Variants in UGT3A2 observed in about 807,000 individuals in gnomAD.
The protein encoded by UGT3A2 is UDP glycosyltransferase family 3 member A2.
UGT3A2 carries 32 observed loss-of-function variants against 39.8 expected under a neutral mutation model. That is an observed-to-expected ratio of 0.80 (90% confidence interval 0.61 to 1.08). The LOEUF (loss-of-function observed/expected upper bound fraction) is 1.08, where lower values mean the gene tolerates loss of function less well. UGT3A2 is among the 50% of genes least tolerant of loss of function. The probability of loss-of-function intolerance (pLI) is 0.00; values close to 1 mark genes in which losing one functional copy is unlikely to be tolerated. For synonymous variants in UGT3A2, 241 were observed against 230.7 expected (o/e 1.04, Z -0.40); for missense variants, 611 against 637.1 (o/e 0.96, Z 0.44).
intron 2 of UGT3A2, among the ~76,000 whole-genome samples, chr5:36,062,402 C>G (rs1440924580): frequency 6.6e-6 from 1 of 152,154 alleles, no homozygotes; most frequent in Non-Finnish European, 1.5e-5. Flanking sequence ...TTTAATCCAT[C>G]TTGAATTGAT....
chr5:36,036,568 A>G (rs1015037348), intron 6 of UGT3A2, among the ~76,000 whole-genome samples: 14 of 152,266 alleles, frequency 9.2e-5, no homozygotes, highest in African/African-American at 3.4e-4. Flanking sequence ...TCTGAGGACC[A>G]TCCCAGCTCA....
intron 4 of UGT3A2, among the ~76,000 whole-genome samples, chr5:36,040,335 C>T (rs1580997449): frequency 6.6e-6 from 1 of 152,048 alleles, no homozygotes; most frequent in Non-Finnish European, 1.5e-5. Flanking sequence ...GAATAGAACC[C>T]TGAAGTGATT....
At chr5:36,042,308 G>A (rs1387672444) in intron 4 of UGT3A2, among the ~76,000 whole-genome samples, 2 of 152,006 alleles carry the variant, frequency 1.3e-5, no homozygotes, top group East Asian at 3.9e-4. Flanking sequence ...AAGTTAAGTT[G>A]TCATCAGATT....
In UGT3A2 at chr5:36,037,867, A is replaced by C. The variant is rs1438661079; in HGVS notation, c.1225T>G (p.Ser409Ala). Residue 409 changes from serine to alanine, a missense_variant, in exon 6 of 7, where the codon TCT becomes GCT. Physicochemically the swap from Ser to Ala is moderately conservative, Grantham distance 99 (BLOSUM62 1). Transcript: ENST00000282507. ...VRVEAKKFGVSIQLKKLKAET... is the reference protein window; with the variant it reads ...VRVEAKKFGVAIQLKKLKAET... ...GCCTTGAGCTTCTTTAACTGAATAG[A>C]AACACCAAACTTTTTGGCTTCTACT... The C allele has an allele frequency of 6.2e-7, 1 of 1,613,834 alleles. No individual in the cohort carries two copies. Among genetic ancestry groups the C allele is most frequent in the African/African-American group, 1.3e-5 (1 of 74,882 alleles).
At chr5:36,060,673 G>A (rs977583166) in intron 2 of UGT3A2, among the ~76,000 whole-genome samples, 14 of 152,218 alleles carry the variant, frequency 9.2e-5, no homozygotes, top group African/African-American at 2.6e-4. Context: ...GTTCAGTCTC[G>A]TAATGATGGT....
At chr5:36,046,915 A>G (rs879654320) in intron 4 of UGT3A2, among the ~76,000 whole-genome samples, 1 of 152,220 alleles carries the variant, frequency 6.6e-6, no homozygotes, top group Admixed American at 6.5e-5. Context: ...TTTTGAAAGG[A>G]AAATAAATCT....
chr5:36,045,474 TC>T (rs1561491473), intron 4 of UGT3A2, among the ~76,000 whole-genome samples: 1 of 151,728 alleles, frequency 6.6e-6, no homozygotes, highest in Non-Finnish European at 1.5e-5. Flanking sequence ...GTGCCTGTAA[TC>T]CCAGCTGCTC....
chr5:36,039,535 A>G lies in UGT3A2; in HGVS notation c.1017T>C (p.Asp339=). 1 of 1,614,210 alleles carries G rather than the reference A, an allele frequency of 6.2e-7. No homozygotes were observed. Among genetic ancestry groups the G allele is most frequent in the Non-Finnish European group, 8.5e-7 (1 of 1,180,044 alleles). ...TTTTCACATTTGCAGCCAGGTGGAC[A>G]TCTTTGGGCCAATGAGAACACTGAC... The part of the protein sequence containing the change: ...WKCQCSHWPK[D]VHLAANVKIV... The change falls in exon 5 of 7, where the codon GAT becomes GAC. Residue 339 remains aspartate, a synonymous_variant. Coordinates refer to ENST00000282507, the MANE Select transcript of UGT3A2 (RefSeq NM_174914.4).
intron 2 of UGT3A2, among the ~76,000 whole-genome samples, chr5:36,052,329 ATTAT>A (rs1472405256): frequency 6.6e-6 from 1 of 152,222 alleles, no homozygotes; most frequent in Non-Finnish European, 1.5e-5. Flanking sequence ...AATCATTTTT[ATTAT>A]TTAAAGTGAT....
At chr5:36,046,310 C>T (rs1277922280) in intron 4 of UGT3A2, among the ~76,000 whole-genome samples, 1 of 152,214 alleles carries the variant, frequency 6.6e-6, no homozygotes, top group East Asian at 1.9e-4. Context: ...ACCTGCACTT[C>T]CGTGTTTATT....
chr5:36,055,292 G>A (rs1310504154), intron 2 of UGT3A2, among the ~76,000 whole-genome samples: 2 of 151,804 alleles, frequency 1.3e-5, no homozygotes, highest in African/African-American at 4.8e-5. Context: ...GGAGTGCATG[G>A]CACAATCTTG....
rs745757904 is a variant in UGT3A2 at position 36,051,931 on chromosome 5, C to T, written c.250G>A (p.Asp84Asn). 1 of 1,592,180 alleles carries T rather than the reference C, an allele frequency of 6.3e-7. No individual in the cohort carries two copies. Among genetic ancestry groups the T allele is most frequent in the Non-Finnish European group, 8.5e-7 (1 of 1,174,100 alleles). The change falls in exon 3 of 7, where the codon GAT becomes AAT. Residue 84 changes from aspartate (D) to asparagine (N), a missense_variant. Physicochemically the swap from Asp to Asn is conservative, Grantham distance 23 (BLOSUM62 1). Transcript: ENST00000282507. ...CTCTTTTTAAATTCTCTTTGATGAT[C>T]TTCAGGTGCAAGCCAACTGATAACT... ...YQVISWLAPE[D>N]HQREFKKSFD...
chr5:36,051,993 ACAG>A lies in UGT3A2; in HGVS notation c.197-12_197-10del. 1.3e-6 allele frequency: 2 copies of A among 1,542,110 alleles called. No homozygotes were observed. Among genetic ancestry groups the A allele is most frequent in the Non-Finnish European group, 1.7e-6 (2 of 1,145,562 alleles). ...TTCTTCCTTTTTAAAATCTAAGAAA[ACAG>A]CAACGGGTTAAAAAAAAAGTTAAAT... is the stretch of plus-strand genomic sequence containing the variant. On this transcript the variant is annotated splice_polypyrimidine_tract_variant and intron_variant, in intron 2 of 6. Coordinates refer to ENST00000282507, the MANE Select transcript of UGT3A2 (RefSeq NM_174914.4).
At chr5:36,057,853 A>C (rs1742563883) in intron 2 of UGT3A2, among the ~76,000 whole-genome samples, 1 of 152,088 alleles carries the variant, frequency 6.6e-6, no homozygotes. Flanking sequence ...AGTTTCTCAA[A>C]GTTTATTGGA....
chr5:36,046,488 G>A (rs778110647), intron 4 of UGT3A2, among the ~76,000 whole-genome samples: 6 of 152,180 alleles, frequency 3.9e-5, no homozygotes, highest in Non-Finnish European at 8.8e-5. Flanking sequence ...AATACATTAT[G>A]TTAAGTGAAC....
rs867614002 is a variant in UGT3A2 at position 36,056,556 on chromosome 5, G to A, written c.197-4572C>T. Among the ~76,000 whole-genome samples, 8 of 152,298 alleles carry A rather than the reference G, an allele frequency of 5.3e-5. No homozygotes were observed. In the South Asian group the frequency reaches 1.2e-3, roughly 24 times the overall value. The stretch of plus-strand genomic sequence containing the variant: ...CTTTCTTAGCAGACTCAGGCAAGTT[G>A]GTAACCAGTGCACACCAAACCTGCT... On this transcript the variant is annotated intron_variant, in intron 2 of 6. Coordinates refer to ENST00000282507, the MANE Select transcript of UGT3A2 (RefSeq NM_174914.4).
At chr5:36,063,136 T>C (rs1391625832) in intron 2 of UGT3A2, among the ~76,000 whole-genome samples, 2 of 152,202 alleles carry the variant, frequency 1.3e-5, no homozygotes, top group South Asian at 2.1e-4. Context: ...CCCTCCAAGA[T>C]GCTTGCTTTT....
At chr5:36,065,154 C>G (rs1742838880) in intron 1 of UGT3A2, among the ~76,000 whole-genome samples, 1 of 151,884 alleles carries the variant, frequency 6.6e-6, no homozygotes, top group South Asian at 2.1e-4. Context: ...ACAGCCTTTG[C>G]TTGAATCTAA....
Position 36,036,438 on chromosome 5 carries a change from T to G in UGT3A2, c.1296-464A>C, listed in dbSNP as rs75728779. On this transcript the variant is annotated intron_variant, in intron 6 of 6. Transcript: ENST00000282507. Reference sequence around the variant, plus strand: ...CTGCATATTTGTACCACATAATTAGTAGCATCCTGTACTTGGTTTCACCAT... The same window carrying G: ...CTGCATATTTGTACCACATAATTAGGAGCATCCTGTACTTGGTTTCACCAT... 4.7e-3 allele frequency among the ~76,000 whole-genome samples: 714 copies of G among 152,288 alleles called. 9 individuals are homozygous for G. The highest frequency in any genetic ancestry group is 0.016 in the African/African-American group (679 of 41,566).
Sources: allele counts gnomAD v4.1 joint callset (sites outside exome capture counted in the v4.1 genomes callset), GRCh38; gene constraint gnomAD v4.1.1; transcripts MANE v1.5; gene names NCBI Gene and HGNC (gene_info 2026-07-23, HGNC 2026-07-21).